SAMD5: variants seen among roughly 807,000 people sequenced by gnomAD.
SAMD5 encodes the protein sterile alpha motif domain containing 5, also known as sterile alpha motif domain-containing protein 5.
SAMD5 carries 13 observed loss-of-function variants against 11.3 expected under a neutral mutation model. The observed-to-expected ratio is 1.15, with a 90% CI of 0.75 to 1.83. The LOEUF is 1.83. Ranked by LOEUF, SAMD5 falls within the 40% of genes most tolerant of loss-of-function variation. SAMD5 has a pLI of 0.00. For synonymous variants in SAMD5, 129 were observed against 111.3 expected, an observed-to-expected ratio of 1.16 and a Z score of -1.00; for missense variants, 255 against 239.1, an observed-to-expected ratio of 1.07 and a Z score of -0.44.
chr6:147,798,221 C>G, the SAMD5 span, among the ~76,000 whole-genome samples: 1 of 149,006 alleles, frequency 6.7e-6, no homozygotes, highest in Admixed American at 6.7e-5. Context: ...ATAAATTTCC[C>G]TCTACACACT....
intron 1 of SAMD5, among the ~76,000 whole-genome samples, chr6:147,583,375 C>T (rs182164195): frequency 7.9e-5 from 12 of 152,322 alleles, no homozygotes; most frequent in Admixed American, 7.8e-4. Context: ...AATGTAATTG[C>T]TAGGCCTTTG....
At chr6:147,521,729 T>C (rs991514141) in intron 1 of SAMD5, among the ~76,000 whole-genome samples, 1 of 152,142 alleles carries the variant, frequency 6.6e-6, no homozygotes, top group South Asian at 2.1e-4. Flanking sequence ...TATAATGTTA[T>C]ACATAATGTT....
chr6:147,684,511 G>T (rs1464125858), intron 1 of SAMD5, among the ~76,000 whole-genome samples: 2 of 152,108 alleles, frequency 1.3e-5, no homozygotes, highest in Admixed American at 1.3e-4. Flanking sequence ...GTACATTTGT[G>T]CAGTGTTAGT....
At chr6:147,673,076 GTAATAA>G (rs1256576135) in intron 1 of SAMD5, among the ~76,000 whole-genome samples, 1 of 152,124 alleles carries the variant, frequency 6.6e-6, no homozygotes, top group African/African-American at 2.4e-5. Flanking sequence ...ATGTTGAATA[GTAATAA>G]TAATACTGAT....
chr6:147,938,312 C>A, the SAMD5 span, among the ~76,000 whole-genome samples: 34,977 of 151,874 alleles, frequency 0.23, 4,587 homozygotes, highest in African/African-American at 0.35. Flanking sequence ...GACAACAGTA[C>A]TAAAAGTGTA....
At chr6:147,778,186 A>G in the SAMD5 span, among the ~76,000 whole-genome samples, 5 of 152,110 alleles carry the variant, frequency 3.3e-5, no homozygotes, top group Admixed American at 6.6e-5. Flanking sequence ...CGTTAGTTCT[A>G]TCTTGTCTTC....
At chr6:147,934,935 TCC>T in the SAMD5 span, among the ~76,000 whole-genome samples, 1 of 152,082 alleles carries the variant, frequency 6.6e-6, no homozygotes, top group Non-Finnish European at 1.5e-5. Flanking sequence ...AGTTTGAACT[TCC>T]CTCCTTGTGA....
At chr6:147,854,778 A>G in the SAMD5 span, among the ~76,000 whole-genome samples, 1 of 152,180 alleles carries the variant, frequency 6.6e-6, no homozygotes, top group African/African-American at 2.4e-5. Flanking sequence ...CATAACAAAG[A>G]TAGCATTTAA....
chr6:147,802,704 A>C, the SAMD5 span, among the ~76,000 whole-genome samples: 1 of 151,664 alleles, frequency 6.6e-6, no homozygotes, highest in Admixed American at 6.6e-5. Context: ...CATATAATAA[A>C]GTATAACAAT....
In SAMD5 at chr6:147,726,800, C is replaced by T. The variant is rs115152377; in HGVS notation, c.163-10517C>T. 6.8e-3 allele frequency among the ~76,000 whole-genome samples: 1,041 copies of T among 152,226 alleles called. 11 individuals are homozygous for T. The highest frequency in any genetic ancestry group is 0.024 in the African/African-American group (993 of 41,526). On this transcript the variant is annotated intron_variant, in intron 1 of 1. Transcript: ENST00000566741. ...ATAAGGATTCCAAGAAAGAGGTGGG[C>T]GGAGGGCTTACGGCAGCACCTGGCT...
the SAMD5 span, among the ~76,000 whole-genome samples, chr6:147,921,246 C>T: frequency 6.8e-6 from 1 of 147,686 alleles, no homozygotes; most frequent in African/African-American, 2.6e-5. Flanking sequence ...CCAGAGAACA[C>T]TTTCTTAAAA....
intron 1 of SAMD5, among the ~76,000 whole-genome samples, chr6:147,724,856 G>GC (rs1302933922): frequency 6.6e-6 from 1 of 151,994 alleles, no homozygotes; most frequent in Non-Finnish European, 1.5e-5. Context: ...CCAAACCTAA[G>GC]AGTTTGGTGA....
At chr6:147,695,818 C>T (rs548173751) in intron 1 of SAMD5, among the ~76,000 whole-genome samples, 76 of 152,300 alleles carry the variant, frequency 5.0e-4, no homozygotes, top group African/African-American at 1.8e-3. Context: ...CATATATATA[C>T]TTTATACATA....
chr6:147,547,963 A>T (rs1788711908), intron 1 of SAMD5, among the ~76,000 whole-genome samples: 1 of 152,176 alleles, frequency 6.6e-6, no homozygotes, highest in Non-Finnish European at 1.5e-5. Context: ...GAGAATATGA[A>T]TTTTCTTTTA....
intron 1 of SAMD5, among the ~76,000 whole-genome samples, chr6:147,513,047 T>C (rs913775414): frequency 6.6e-6 from 1 of 150,748 alleles, no homozygotes; most frequent in African/African-American, 2.4e-5. Flanking sequence ...CAGAGAACAG[T>C]GTGTGCAAAG....
At chr6:147,797,183 AGTATGATATTG>A in the SAMD5 span, among the ~76,000 whole-genome samples, 8 of 131,994 alleles carry the variant, frequency 6.1e-5, no homozygotes, top group South Asian at 2.1e-3. Context: ...TTGCCCATTC[AGTATGATATTG>A]GCTGTTGGTT....
chr6:147,530,322 C>A (rs1222874919), intron 1 of SAMD5, among the ~76,000 whole-genome samples: 1 of 152,254 alleles, frequency 6.6e-6, no homozygotes, highest in African/African-American at 2.4e-5. Flanking sequence ...TGCACACAAG[C>A]ACTGCCCATG....
chr6:147,595,634 C>T (rs1056352085), intron 1 of SAMD5, among the ~76,000 whole-genome samples: 1 of 146,216 alleles, frequency 6.8e-6, no homozygotes, highest in Non-Finnish European at 1.5e-5. Context: ...TCAAAAGATT[C>T]TCCTGCCTCA....
chr6:147,692,358 A>G (rs1247168074), intron 1 of SAMD5: 1 of 152,208 alleles, frequency 6.6e-6, no homozygotes, highest in East Asian at 1.9e-4. Flanking sequence ...GTTTCCTCTT[A>G]CACATAAAAT....
Sources: gnomAD v4.1 joint callset for allele counts (sites outside exome capture counted in the v4.1 genomes callset) on GRCh38, gnomAD v4.1.1 for gene constraint, MANE v1.5 for transcripts, NCBI Gene and HGNC (gene_info 2026-07-23, HGNC 2026-07-21) for gene names.